RASGEF1C: variants seen among roughly 807,000 people sequenced by gnomAD.
The protein encoded by RASGEF1C is ras-GEF domain-containing family member 1C.
RASGEF1C carries 27 observed loss-of-function variants against 58.1 expected under a neutral mutation model. That is an observed-to-expected ratio of 0.46 (90% CI 0.34 to 0.64). RASGEF1C has a LOEUF of 0.64. Among genes scored for constraint, RASGEF1C ranks in the 30% least tolerant of loss-of-function variants. The pLI, the probability that RASGEF1C is intolerant of heterozygous loss-of-function variation, is 0.01. For synonymous variants in RASGEF1C, 243 were observed against 246.3 expected (o/e 0.99, Z 0.13); for missense variants, 502 against 605.1 (o/e 0.83, Z 1.79).
chr5:180,152,784 G>A (rs557992489), intron 1 of RASGEF1C, among the ~76,000 whole-genome samples: 5 of 151,702 alleles, frequency 3.3e-5, no homozygotes, highest in South Asian at 4.2e-4. Flanking sequence ...TGGTGGCAGC[G>A]CCTGTAATCC....
Position 180,111,478 on chromosome 5 carries a change from C to T in RASGEF1C, c.1282G>A (p.Ala428Thr), listed in dbSNP as rs753796341. The T allele has an allele frequency of 5.0e-6, 8 of 1,614,146 alleles. No individual in the cohort carries two copies. Among genetic ancestry groups the T allele is most frequent in the East Asian group, 2.2e-5 (1 of 44,880 alleles). The stretch of plus-strand genomic sequence containing the variant: ...TTACCATCCTCACTGAAGATGGGGG[C>T]GGTGTACAGGTAGTGGGTGATGCTG... ...DASITHYLYTAPIFSEDGLYL... is the reference protein window; with the variant it reads ...DASITHYLYTTPIFSEDGLYL... Residue 428 changes from alanine (A) to threonine (T), a missense_variant, in exon 12 of 14, where the codon GCC becomes ACC. Coordinates refer to ENST00000361132, the MANE Select transcript of RASGEF1C (RefSeq NM_175062.4).
chr5:180,182,189 A>G (rs1482531891), intron 1 of RASGEF1C, among the ~76,000 whole-genome samples: 4 of 116,034 alleles, frequency 3.4e-5, no homozygotes, highest in East Asian at 5.5e-4. Flanking sequence ...TGGGCAACAG[A>G]GCAAGACTCC....
At chr5:180,135,953 CT>C (rs1766464830) in intron 4 of RASGEF1C, among the ~76,000 whole-genome samples, 1 of 152,246 alleles carries the variant, frequency 6.6e-6, no homozygotes, top group South Asian at 2.1e-4. Flanking sequence ...TTCCCTGGCC[CT>C]GATTTGCAGG....
chr5:180,147,440 A>C (rs1036241344), intron 1 of RASGEF1C, among the ~76,000 whole-genome samples: 2 of 152,048 alleles, frequency 1.3e-5, no homozygotes, highest in African/African-American at 4.8e-5. Flanking sequence ...GTTTACAGCT[A>C]TAAATTTTCC....
chr5:180,186,193 A>G (rs1756035826), intron 1 of RASGEF1C, among the ~76,000 whole-genome samples: 1 of 152,152 alleles, frequency 6.6e-6, no homozygotes, highest in Non-Finnish European at 1.5e-5. Context: ...GCAGTTAGGC[A>G]AGAAGAAGAA....
rs1766831982 is a variant in RASGEF1C, at chr5:180,155,320, C to T, written c.-6-17262G>A. ...GGAGCCTGGACACACATTTCATTTC[C>T]ATTTGGGTCCCATGAAGGACTCCTG... is the stretch of plus-strand genomic sequence containing the variant. On this transcript the variant is annotated intron_variant, in intron 1 of 13. Transcript: ENST00000361132. The surrounding 1 kb of genome is among the most constrained non-coding windows in gnomAD (Gnocchi z 5.2). Among the ~76,000 whole-genome samples, 1 of 152,142 alleles carries T rather than the reference C, an allele frequency of 6.6e-6. No individual in the cohort carries two copies. Among genetic ancestry groups the T allele is most frequent in the Admixed American group, 6.5e-5 (1 of 15,274 alleles).
At chr5:180,203,819 A>AC (rs1457240070) in intron 1 of RASGEF1C, among the ~76,000 whole-genome samples, 3 of 152,088 alleles carry the variant, frequency 2.0e-5, no homozygotes, top group Middle Eastern at 6.8e-3. Context: ...ACATGATGAA[A>AC]CCCCATCTCT....
chr5:180,128,301 G>T, intron 5 of RASGEF1C, 109 bp downstream of exon 5: 1 of 1,035,018 alleles, frequency 9.7e-7, no homozygotes, highest in Non-Finnish European at 1.5e-6. Context: ...CTAGGCCAGG[G>T]CCTCCTTCAC....
At chr5:180,164,575 A>C (rs2113303785) in intron 1 of RASGEF1C, among the ~76,000 whole-genome samples, 1 of 152,292 alleles carries the variant, frequency 6.6e-6, no homozygotes, top group South Asian at 2.1e-4. Context: ...TACGTGCTTA[A>C]TTTCTAAGGG....
At chr5:180,182,334 G>A (rs960762843) in intron 1 of RASGEF1C, among the ~76,000 whole-genome samples, 6 of 150,674 alleles carry the variant, frequency 4.0e-5, no homozygotes, top group Non-Finnish European at 7.4e-5. Context: ...CTGACTTCAA[G>A]AATGAAGCCG....
chr5:180,128,896 C>G (rs999278796), intron 4 of RASGEF1C, among the ~76,000 whole-genome samples: 61 of 152,256 alleles, frequency 4.0e-4, no homozygotes, highest in African/African-American at 1.3e-3. Flanking sequence ...GTGACGGGGG[C>G]CGGGGGCAGC....
At chr5:180,194,308 C>T (rs191301289) in intron 1 of RASGEF1C, among the ~76,000 whole-genome samples, 3 of 152,330 alleles carry the variant, frequency 2.0e-5, no homozygotes, top group Admixed American at 6.5e-5. Context: ...GCGCAATAAC[C>T]TAATTTGTTC....
chr5:180,147,961 T>TA (rs1265122036), intron 1 of RASGEF1C, among the ~76,000 whole-genome samples: 1 of 152,222 alleles, frequency 6.6e-6, no homozygotes, highest in African/African-American at 2.4e-5. Flanking sequence ...CTCTGACTAT[T>TA]ACTATAGAGC....
Position 180,201,171 on chromosome 5 carries a change from C to T in RASGEF1C, c.-7+7857G>A, listed in dbSNP as rs530583775. On this transcript the variant is annotated intron_variant, in intron 1 of 13. Coordinates refer to ENST00000361132, the MANE Select transcript of RASGEF1C (RefSeq NM_175062.4). ...GCACGCCTGAGGGTGGGTGTCAGAG[C>T]ACTGGCGGCTGGGGAACTGAAAGGA... 1.6e-3 allele frequency among the ~76,000 whole-genome samples: 250 copies of T among 152,256 alleles called. 1 individual carries two copies. The highest frequency in any genetic ancestry group is 4.4e-3 in the South Asian group (21 of 4,814).
At chr5:180,149,866 G>C (rs1208988347) in intron 1 of RASGEF1C, among the ~76,000 whole-genome samples, 1 of 152,166 alleles carries the variant, frequency 6.6e-6, no homozygotes, top group African/African-American at 2.4e-5. Context: ...GTCTCTTTGA[G>C]TTTATCCTAC....
intron 1 of RASGEF1C, among the ~76,000 whole-genome samples, chr5:180,162,920 A>C (rs1054126510): frequency 1.3e-5 from 2 of 152,104 alleles, no homozygotes; most frequent in Admixed American, 6.6e-5. Context: ...TTCATTTCAT[A>C]GTTTTCAGCA....
chr5:180,188,645 G>C (rs1000427947), intron 1 of RASGEF1C, among the ~76,000 whole-genome samples: 28 of 152,160 alleles, frequency 1.8e-4, no homozygotes, highest in African/African-American at 6.5e-4. Context: ...ATCAGGAAAA[G>C]GCAAGGTGAT....
At chr5:180,134,615 A>C (rs1339813971) in intron 4 of RASGEF1C, among the ~76,000 whole-genome samples, 5 of 150,388 alleles carry the variant, frequency 3.3e-5, no homozygotes, top group Non-Finnish European at 7.4e-5. Context: ...CCCACCCCAG[A>C]TCCATCAGTT....
intron 1 of RASGEF1C, among the ~76,000 whole-genome samples, chr5:180,202,038 T>C (rs1449323930): frequency 6.6e-6 from 1 of 151,558 alleles, no homozygotes; most frequent in Non-Finnish European, 1.5e-5. Flanking sequence ...ATTCAAAAAC[T>C]CAACAGAAAT....
Sources: gnomAD v4.1 joint callset for allele counts (sites outside exome capture counted in the v4.1 genomes callset) on GRCh38, gnomAD v4.1.1 for gene constraint, Gnocchi (gnomAD v3.1) non-coding constraint, MANE v1.5 for transcripts, NCBI Gene and HGNC (gene_info 2026-07-23, HGNC 2026-07-21) for gene names.